The following BAZ1A variants were observed in gnomAD, a reference collection of about 807,000 sequenced individuals.
BAZ1A encodes the protein bromodomain adjacent to zinc finger domain 1A.
A neutral mutation model predicts 185.2 loss-of-function variants in BAZ1A; 50 were observed. The ratio of observed to expected loss-of-function variants is 0.27; its 90% confidence interval spans 0.22 to 0.34. BAZ1A has a LOEUF of 0.34. BAZ1A is among the 10% of genes least tolerant of loss of function. The pLI is 1.00. For missense variants in BAZ1A, 1,356 were observed against 1,839.9 expected, an observed-to-expected ratio of 0.74 and a Z score of 4.81; for synonymous variants, 571 against 615.6, an observed-to-expected ratio of 0.93 and a Z score of 1.07.
At chr14:34,845,773 A>G (rs529673988) in intron 3 of BAZ1A, among the ~76,000 whole-genome samples, 3 of 151,848 alleles carry the variant, frequency 2.0e-5, no homozygotes, top group African/African-American at 7.2e-5. Flanking sequence ...AGGCAGGAGA[A>G]TCACTTGAAC....
At chr14:34,758,924 A>C in intron 24 of BAZ1A, 78 bp from the exon 25 acceptor site, 1 of 1,410,550 alleles carries the variant, frequency 7.1e-7, no homozygotes, top group Non-Finnish European at 9.7e-7. Flanking sequence ...GGATATATAA[A>C]TACCAAATTC....
chr14:34,791,718 T>C (rs969220192), intron 12 of BAZ1A, among the ~76,000 whole-genome samples: 3 of 152,238 alleles, frequency 2.0e-5, no homozygotes, highest in African/African-American at 7.2e-5. Context: ...TGAATTTTTA[T>C]GCAACACACT....
chr14:34,776,145 G>A lies in BAZ1A; in HGVS notation c.2607C>T (p.Ser869=), dbSNP rs1187674567. The A allele has an allele frequency of 1.9e-6, 3 of 1,614,164 alleles. No individual in the cohort carries two copies. Among genetic ancestry groups the A allele is most frequent in the South Asian group, 2.2e-5 (2 of 91,076 alleles). ...GGTCACGTGGACCTTGGTCAATGTT[G>A]GAGGTAGATTCAGACATCAAAGGCT... is the stretch of plus-strand genomic sequence containing the variant. ...TGEPLMSEST[S]NIDQGPRDHS... is the part of the protein sequence containing the mutation. The change falls in exon 18 of 27, where the codon TCC becomes TCT. Residue 869 remains serine (S), a synonymous_variant. Transcript: ENST00000360310.
intron 24 of BAZ1A, among the ~76,000 whole-genome samples, chr14:34,760,809 G>A (rs548017435): frequency 5.9e-5 from 9 of 151,568 alleles, no homozygotes; most frequent in African/African-American, 1.7e-4. Flanking sequence ...CTCAGATTGC[G>A]CCACTGCACA....
At chr14:34,801,703 G>A (rs113197618) in intron 7 of BAZ1A, among the ~76,000 whole-genome samples, 15,584 of 152,096 alleles carry the variant, frequency 0.1, 857 homozygotes, top group South Asian at 0.19. Flanking sequence ...GAGGTCGGGC[G>A]TTTGAGAGCA....
intron 9 of BAZ1A, among the ~76,000 whole-genome samples, chr14:34,797,219 T>C (rs1332038295): frequency 6.6e-6 from 1 of 152,194 alleles, no homozygotes; most frequent in Non-Finnish European, 1.5e-5. Flanking sequence ...GAGTGATCTG[T>C]TTTTTTAAGG....
At chr14:34,793,884 G>A (rs1310840967) in intron 11 of BAZ1A, among the ~76,000 whole-genome samples, 2 of 152,098 alleles carry the variant, frequency 1.3e-5, no homozygotes, top group Non-Finnish European at 2.9e-5. Context: ...GGAGGTTGCA[G>A]TGAGCCAAGA....
At chr14:34,822,008 G>A (rs2042097278) in intron 4 of BAZ1A, among the ~76,000 whole-genome samples, 1 of 148,260 alleles carries the variant, frequency 6.7e-6, no homozygotes, top group South Asian at 2.2e-4. Flanking sequence ...AAATACCTGT[G>A]AATAGGCAGG....
chr14:34,760,488 CTTTT>C (rs5807795), intron 24 of BAZ1A, among the ~76,000 whole-genome samples: 225 of 139,588 alleles, frequency 1.6e-3, no homozygotes, highest in African/African-American at 5.8e-3. Flanking sequence ...AGAACAGTGG[CTTTT>C]TTTTTTTTTT....
chr14:34,809,993 C>G (rs573029019), intron 5 of BAZ1A, among the ~76,000 whole-genome samples: 1 of 152,224 alleles, frequency 6.6e-6, no homozygotes, highest in South Asian at 2.1e-4. Flanking sequence ...AGATCTTAAA[C>G]TAATGATGAG....
At chr14:34,827,721 CAA>C (rs1169434103) in intron 3 of BAZ1A, among the ~76,000 whole-genome samples, 1 of 127,120 alleles carries the variant, frequency 7.9e-6, no homozygotes, top group Non-Finnish European at 1.6e-5. Context: ...GGCAACAAAG[CAA>C]GACTCTGTCT....
At chr14:34,759,066 T>G (rs949165840) in intron 24 of BAZ1A, among the ~76,000 whole-genome samples, 4 of 151,970 alleles carry the variant, frequency 2.6e-5, no homozygotes, top group African/African-American at 9.7e-5. Context: ...CATTAAACAT[T>G]CATTGGGAAC....
intron 24 of BAZ1A, among the ~76,000 whole-genome samples, chr14:34,760,592 G>A (rs1201142351): frequency 1.3e-5 from 2 of 150,870 alleles, no homozygotes; most frequent in East Asian, 1.9e-4. Flanking sequence ...GCGCACACCT[G>A]TAATCCCAAC....
chr14:34,868,340 A>T (rs912858000), intron 2 of BAZ1A, among the ~76,000 whole-genome samples: 1 of 152,222 alleles, frequency 6.6e-6, no homozygotes, highest in Non-Finnish European at 1.5e-5. Context: ...CATAAGGAAA[A>T]GTTGCTGAGT....
intron 12 of BAZ1A, among the ~76,000 whole-genome samples, chr14:34,790,807 A>T (rs577542119): frequency 1.1e-3 from 172 of 152,318 alleles, no homozygotes; most frequent in African/African-American, 3.8e-3. Flanking sequence ...ATACTTATTT[A>T]AAAAACTCAT....
intron 25 of BAZ1A, among the ~76,000 whole-genome samples, chr14:34,756,172 G>A (rs1316925019): frequency 6.8e-6 from 1 of 146,858 alleles, no homozygotes; most frequent in Non-Finnish European, 1.5e-5. Flanking sequence ...GGAGTGCAGT[G>A]GCACGATCTC....
intron 1 of BAZ1A, 121 bp downstream of exon 1, chr14:34,875,017 G>C (rs538590029): frequency 3.1e-5 from 5 of 162,286 alleles, no homozygotes; most frequent in African/African-American, 1.2e-4. Context: ...GCAGCTGGCC[G>C]GCCGGCCAGC....
intron 17 of BAZ1A, among the ~76,000 whole-genome samples, chr14:34,779,025 T>C (rs1879860558): frequency 6.6e-6 from 1 of 152,136 alleles, no homozygotes; most frequent in Non-Finnish European, 1.5e-5. Flanking sequence ...CAGCTTGCTT[T>C]CTGGGTACTT....
At chr14:34,827,221 TC>T (rs1490968915) in intron 3 of BAZ1A, among the ~76,000 whole-genome samples, 1 of 152,204 alleles carries the variant, frequency 6.6e-6, no homozygotes, top group African/African-American at 2.4e-5. Context: ...CTGGAGAATA[TC>T]CCATGTGCAC....
Sources: gnomAD v4.1 joint callset for allele counts (sites outside exome capture counted in the v4.1 genomes callset) on GRCh38, gnomAD v4.1.1 for gene constraint, MANE v1.5 for transcripts, NCBI Gene and HGNC (gene_info 2026-07-23, HGNC 2026-07-21) for gene names.